DNAH17: variants seen among roughly 807,000 people sequenced by gnomAD.
DNAH17 encodes axonemal beta dynein heavy chain 17.
A neutral mutation model predicts 485.6 loss-of-function variants in DNAH17; 376 were observed. The observed-to-expected ratio is 0.77, with a 90% confidence interval of 0.71 to 0.84. The LOEUF is 0.84. Ranked by LOEUF, DNAH17 falls within the 40% of genes least tolerant of loss-of-function variation. DNAH17 has a pLI of 0.00. For missense variants in DNAH17, 6,370 were observed against 5,839.3 expected (o/e 1.09, Z -2.96); for synonymous variants, 3,031 against 2,405.9 (o/e 1.26, Z -7.60).
chr17:78,453,579 G>T, intron 64 of DNAH17, 114 bp from the exon 65 acceptor site: 1 of 1,380,106 alleles, frequency 7.2e-7, no homozygotes, highest in Non-Finnish European at 9.8e-7. Flanking sequence ...AGCGAGGGGT[G>T]ACCTAGGAGC....
At chr17:78,561,659 C>A (rs1169705806) in intron 12 of DNAH17, 56 bp downstream of exon 12, 2 of 1,527,264 alleles carry the variant, frequency 1.3e-6, no homozygotes, top group African/African-American at 1.4e-5. Flanking sequence ...CAGTCCCTCT[C>A]GCTCTCCCGC....
chr17:78,523,287 C>A (rs898826781), intron 25 of DNAH17, among the ~76,000 whole-genome samples: 1 of 151,854 alleles, frequency 6.6e-6, no homozygotes, highest in African/African-American at 2.4e-5. Flanking sequence ...CCATGCCCAA[C>A]TAATTTTTGT....
intron 54 of DNAH17, 87 bp from the exon 55 acceptor site, chr17:78,468,970 C>A: frequency 6.8e-7 from 1 of 1,480,866 alleles, no homozygotes; most frequent in East Asian, 2.3e-5. Flanking sequence ...AGCACAGGGC[C>A]ATTTTTTCTT....
chr17:78,450,308 G>T lies in DNAH17; in HGVS notation c.10986C>A (p.Tyr3662Ter). 6.2e-7 allele frequency: 1 copy of T among 1,614,002 alleles called. No homozygotes were observed. The highest frequency in any genetic ancestry group is 8.5e-7 in the Non-Finnish European group (1 of 1,179,892). ...RPAAERASLLYFILNDLNKIN... is the reference protein window; with the variant it reads ...RPAAERASLL ...TTTTGTTGAGATCGTTCAGTATGAAGTAGAGCAGAGATGCCCTCTCCGCAG... is the reference window on the plus strand; with the variant it reads ...TTTTGTTGAGATCGTTCAGTATGAATTAGAGCAGAGATGCCCTCTCCGCAG... Residue 3662 changes from tyrosine (Y) to a stop codon, truncating the protein, a stop_gained, in exon 68 of 81, where the codon TAC becomes TAA. Transcript: ENST00000389840. LOFTEE classifies it high-confidence loss of function.
chr17:78,507,207 G>T (rs774560208), intron 29 of DNAH17, 71 bp downstream of exon 29: 31 of 1,566,468 alleles, frequency 2.0e-5, no homozygotes, highest in Non-Finnish European at 2.4e-5. Flanking sequence ...CAAGACTTAA[G>T]TTCCGTCAGA....
At chr17:78,506,148 T>TG (rs1280935404) in intron 30 of DNAH17, among the ~76,000 whole-genome samples, 2 of 147,916 alleles carry the variant, frequency 1.4e-5, no homozygotes, top group Non-Finnish European at 3.0e-5. Context: ...TAATTTTTTT[T>TG]TTTTTTTTTT....
chr17:78,565,979 C>CAA (rs1410251622), intron 11 of DNAH17, among the ~76,000 whole-genome samples: 1 of 151,916 alleles, frequency 6.6e-6, no homozygotes, highest in African/African-American at 2.4e-5. Flanking sequence ...AAAAACAAAA[C>CAA]AAAACAAAAA....
intron 14 of DNAH17, among the ~76,000 whole-genome samples, chr17:78,553,297 T>TTG (rs1568244882): frequency 1.9e-5 from 1 of 51,324 alleles, no homozygotes; most frequent in African/African-American, 7.3e-5. Context: ...TTTTTTTTTT[T>TTG]TTTTTTTTTT....
intron 68 of DNAH17, 81 bp downstream of exon 68, chr17:78,450,173 G>T (rs1205078045): frequency 1.3e-6 from 2 of 1,537,450 alleles, no homozygotes; most frequent in East Asian, 4.5e-5. Flanking sequence ...CCCGATGGCT[G>T]TGTGGGCAAC....
chr17:78,466,389 G>A (rs533993509), intron 56 of DNAH17, among the ~76,000 whole-genome samples: 1,632 of 151,930 alleles, frequency 0.011, 17 homozygotes, highest in Admixed American at 0.016. Context: ...ATTGTCCTAT[G>A]ACCCTGCCAA....
chr17:78,563,687 G>A (rs1479242735), intron 11 of DNAH17, among the ~76,000 whole-genome samples: 12 of 152,136 alleles, frequency 7.9e-5, no homozygotes, highest in African/African-American at 1.2e-4. Context: ...GAGATCATGT[G>A]GAAAATTGCT....
chr17:78,515,151 G>A (rs923724045), intron 25 of DNAH17, 129 bp from the exon 26 acceptor site: 24 of 1,081,880 alleles, frequency 2.2e-5, no homozygotes, highest in Non-Finnish European at 2.9e-5. Flanking sequence ...ACTAATACCC[G>A]AGATCAGTAA....
chr17:78,477,148 A>T (rs532751860), intron 51 of DNAH17, among the ~76,000 whole-genome samples: 9 of 152,206 alleles, frequency 5.9e-5, no homozygotes, highest in Non-Finnish European at 1.2e-4. Context: ...CAAGCTCGAC[A>T]AGAGCTTATT....
chr17:78,572,772 G>A lies in DNAH17; in HGVS notation c.468C>T (p.Ile156=). 1 of 1,613,598 alleles carries A rather than the reference G, an allele frequency of 6.2e-7. No homozygotes were observed. Among genetic ancestry groups the A allele is most frequent in the Non-Finnish European group, 8.5e-7 (1 of 1,179,746 alleles). ...GAATAGGCAGCAAGGTTTTGCCTTT[G>A]ATCTTGCCACTCATCACAAACATTT... is the stretch of plus-strand genomic sequence containing the variant. ...KNEMFVMSGK[I]KGKTLLPIPE... The change falls in exon 3 of 81, where the codon ATC becomes ATT. Residue 156 remains isoleucine (I), a synonymous_variant. Transcript: ENST00000389840.
chr17:78,453,377 G>A lies in DNAH17; in HGVS notation c.10495C>T (p.Pro3499Ser). Residue 3499 changes from proline to serine, a missense_variant, in exon 65 of 81, where the codon CCT (proline) becomes TCT (serine). Coordinates refer to ENST00000389840, the MANE Select transcript of DNAH17 (RefSeq NM_173628.4). ...TTAATCGTGTTCCTGCCCAGTAGAG[G>A]GTCCAGCACGGGGTCCACGGTTTCG... is the stretch of plus-strand genomic sequence containing the variant. ...IGETVDPVLD[P>S]LLGRNTIKKG... 6.2e-7 allele frequency: 1 copy of A among 1,613,768 alleles called. No individual in the cohort carries two copies. The highest frequency in any genetic ancestry group is 8.5e-7 in the Non-Finnish European group (1 of 1,179,794).
rs557813074 is a variant in DNAH17 at position 78,510,255 on chromosome 17, A to G, written c.4236+129T>C. 7.5e-5 allele frequency: 103 copies of G among 1,370,844 alleles called. No individual in the cohort carries two copies. In the African/African-American group the frequency reaches 1.3e-3, roughly 18 times the overall value. 84.9% of individuals were successfully genotyped at this position (1,370,844 alleles called of 1,614,324 possible). A position where few individuals can be genotyped will look rare whatever the true frequency, so the allele number is the denominator to read the frequency against. On this transcript the variant is annotated intron_variant, in intron 27 of 80. Coordinates refer to ENST00000389840, the MANE Select transcript of DNAH17 (RefSeq NM_173628.4). ...TTTAAGATTTGTCACAGGTTGGGTA[A>G]GAAAGGCCCGCCAGACTTCCCGTGA...
intron 51 of DNAH17, among the ~76,000 whole-genome samples, chr17:78,478,218 T>A (rs1453888720): frequency 2.8e-5 from 4 of 143,244 alleles, no homozygotes; most frequent in Non-Finnish European, 6.0e-5. Context: ...ACCACCATCA[T>A]CACCACATCA....
At chr17:78,531,149 A>T (rs2143308778) in intron 20 of DNAH17, among the ~76,000 whole-genome samples, 1 of 152,072 alleles carries the variant, frequency 6.6e-6, no homozygotes, top group East Asian at 1.9e-4. Flanking sequence ...GGGTGTTGAA[A>T]ACCCTAACTG....
chr17:78,427,031 C>A lies in DNAH17; in HGVS notation c.12666G>T (p.Ala4222=), dbSNP rs752983830. 1.2e-6 allele frequency: 2 copies of A among 1,605,666 alleles called. No homozygotes were observed. The highest frequency in any genetic ancestry group is 1.3e-5 in the African/African-American group (1 of 74,760). Residue 4222 remains alanine (A), a synonymous_variant, in exon 78 of 81, where the codon GCG becomes GCT. Transcript: ENST00000389840. ...CGACTACCACGTAGGGGGTCTTTTCCGCTGCCTTTGCCATGATCTCAGCCA... is the reference window on the plus strand; with the variant it reads ...CGACTACCACGTAGGGGGTCTTTTCAGCTGCCTTTGCCATGATCTCAGCCA... ...FNMAEIMAKA[A]EKTPYVVVAF...
Sources: gnomAD v4.1 joint callset for allele counts (sites outside exome capture counted in the v4.1 genomes callset) on GRCh38, gnomAD v4.1.1 for gene constraint, MANE v1.5 for transcripts, NCBI Gene and HGNC (gene_info 2026-07-23, HGNC 2026-07-21) for gene names.